Variants in NRIP3 observed in about 807,000 individuals in gnomAD.
The protein encoded by NRIP3 is nuclear receptor-interacting protein 3.
NRIP3 carries 31 observed loss-of-function variants against 29.0 expected under a neutral mutation model. The ratio of observed to expected loss-of-function variants is 1.07; its 90% confidence interval spans 0.80 to 1.44. The LOEUF (loss-of-function observed/expected upper bound fraction) is 1.44, where lower values mean the gene tolerates loss of function less well. NRIP3 is among the 40% of genes most tolerant of loss of function. NRIP3 has a pLI of 0.00. For synonymous variants in NRIP3, 131 were observed against 118.3 expected (o/e 1.11, Z -0.70); for missense variants, 314 against 297.9 (o/e 1.05, Z -0.40).
intron 1 of NRIP3, among the ~76,000 whole-genome samples, chr11:8,996,447 A>G (rs1854708010): frequency 1.3e-5 from 2 of 151,688 alleles, no homozygotes; most frequent in Admixed American, 1.3e-4. Flanking sequence ...CACCCAGCTA[A>G]TTTTTGCCTT....
At chr11:8,989,006 T>A (rs1359570073) in intron 1 of NRIP3, among the ~76,000 whole-genome samples, 1 of 152,218 alleles carries the variant, frequency 6.6e-6, no homozygotes, top group Admixed American at 6.5e-5. Context: ...TGTCATCCAT[T>A]TCCCTTCCCT....
At chr11:8,983,685 C>T (rs1234204023) in intron 6 of NRIP3, 125 bp from the exon 7 acceptor site, 5 of 957,782 alleles carry the variant, frequency 5.2e-6, no homozygotes, top group Non-Finnish European at 8.2e-6. Flanking sequence ...ATCACCATTG[C>T]TCATTCTGAT....
chr11:8,996,437 C>T (rs12790020), intron 1 of NRIP3, among the ~76,000 whole-genome samples: 46,613 of 151,784 alleles, frequency 0.31, 7,438 homozygotes, highest in South Asian at 0.44. Flanking sequence ...CGTAGCAGCA[C>T]ACCCAGCTAA....
chr11:9,002,216 T>A (rs757935559), intron 1 of NRIP3, among the ~76,000 whole-genome samples: 6 of 152,228 alleles, frequency 3.9e-5, no homozygotes, highest in Non-Finnish European at 7.3e-5. Context: ...TACTTCCTTC[T>A]TTATTGATTG....
chr11:8,986,830 G>C (rs1293313616), intron 3 of NRIP3, among the ~76,000 whole-genome samples: 3 of 152,140 alleles, frequency 2.0e-5, no homozygotes. Flanking sequence ...ACCATCCTGG[G>C]CAACATGGCA....
At position 8,988,114 on chromosome 11, in the gene NRIP3, T is replaced by C. The variant is rs761372617; in HGVS notation, c.339+4A>G. 5 of 1,613,850 alleles carry C rather than the reference T, an allele frequency of 3.1e-6. No homozygotes were observed. Among genetic ancestry groups the C allele is most frequent in the Non-Finnish European group, 4.2e-6 (5 of 1,179,874 alleles). On this transcript the variant is annotated splice_donor_region_variant and intron_variant, in intron 2 of 6. Transcript: ENST00000309166. Reference sequence around the variant, plus strand: ...CCCTGGAAAAGCTGTTCTCAGAACATTACCTGGCAAGAAACCAAAATCATG... The same window carrying C: ...CCCTGGAAAAGCTGTTCTCAGAACACTACCTGGCAAGAAACCAAAATCATG...
At chr11:8,991,646 A>G (rs1854603368) in intron 1 of NRIP3, among the ~76,000 whole-genome samples, 1 of 152,242 alleles carries the variant, frequency 6.6e-6, no homozygotes. Flanking sequence ...GCAATTAATG[A>G]CCTGGACTAG....
At chr11:8,992,633 G>A (rs10769980) in intron 1 of NRIP3, among the ~76,000 whole-genome samples, 50,755 of 152,092 alleles carry the variant, frequency 0.33, 10,084 homozygotes, top group Non-Finnish European at 0.43. Flanking sequence ...ATCTGGGGCC[G>A]GGCGCAGTGG....
intron 2 of NRIP3, 52 bp downstream of exon 2, chr11:8,988,066 C>T: frequency 2.5e-6 from 4 of 1,574,186 alleles, no homozygotes; most frequent in Non-Finnish European, 3.5e-6. Flanking sequence ...AGGAGAGGGC[C>T]CCACATCCTA....
At chr11:9,002,859 C>A (rs936867262) in intron 1 of NRIP3, among the ~76,000 whole-genome samples, 2 of 152,156 alleles carry the variant, frequency 1.3e-5, no homozygotes, top group African/African-American at 4.8e-5. Flanking sequence ...CAAGAAAACT[C>A]CAGATAAAAC....
chr11:8,985,416 G>A (rs570045475), intron 4 of NRIP3, among the ~76,000 whole-genome samples: 49 of 151,756 alleles, frequency 3.2e-4, no homozygotes, highest in South Asian at 1.0e-3. Flanking sequence ...TGATCCGCCC[G>A]CCTCGGCCTC....
In NRIP3 at chr11:8,985,379, T is replaced by C. The variant is rs557066248; in HGVS notation, c.562+332A>G. ...AGAGATGGGGTTTCACCGTGTTAGC[T>C]AGGATGGTCTCGATCTCCTGACCTT... On this transcript the variant is annotated intron_variant, in intron 4 of 6. Transcript: ENST00000309166. Among the ~76,000 whole-genome samples the C allele has an allele frequency of 8.3e-3, 1,233 of 147,736 alleles. 12 individuals are homozygous for C. The highest frequency in any genetic ancestry group is 0.03 in the South Asian group (139 of 4,682).
At position 9,003,894 on chromosome 11, in the gene NRIP3, C is replaced by G; in HGVS notation, c.42G>C (p.Glu14Asp). 6.6e-7 allele frequency: 1 copy of G among 1,522,674 alleles called. No homozygotes were observed. Among genetic ancestry groups the G allele is most frequent in the African/African-American group, 1.4e-5 (1 of 69,778 alleles). 94.3% of individuals were successfully genotyped at this position (1,522,674 alleles called of 1,614,324 possible). ...SGLLTEGGRK[E>D]TDMREAASLR... ...GTGACGCCGCCTCCCGCATGTCGGT[C>G]TCCTTGCGGCCGCCCTCAGTGAGGA... Residue 14 changes from glutamate (E) to aspartate (D), a missense_variant, in exon 1 of 7, where the codon GAG becomes GAC. Coordinates refer to ENST00000309166, the MANE Select transcript of NRIP3 (RefSeq NM_020645.3).
intron 1 of NRIP3, among the ~76,000 whole-genome samples, chr11:9,001,061 C>T (rs1854786264): frequency 6.6e-6 from 1 of 151,650 alleles, no homozygotes; most frequent in African/African-American, 2.4e-5. Context: ...AGTGAGAACC[C>T]GTCTCTTAAA....
chr11:8,985,854 T>C lies in NRIP3; in HGVS notation c.423-4A>G, dbSNP rs754376290. ...GGATTTGACATGCTCCTTGAGTCTGTACCAAAGAGGAAGATACCAAAATCC... is the reference window on the plus strand; with the variant it reads ...GGATTTGACATGCTCCTTGAGTCTGCACCAAAGAGGAAGATACCAAAATCC... On this transcript the variant is annotated splice_polypyrimidine_tract_variant and splice_region_variant and intron_variant, in intron 3 of 6. Transcript: ENST00000309166. 4.4e-5 allele frequency: 71 copies of C among 1,613,638 alleles called. No individual in the cohort carries two copies. In the East Asian group the frequency reaches 1.4e-3, roughly 31 times the overall value.
chr11:8,988,178 C>G lies in NRIP3; in HGVS notation c.279G>C (p.Gln93His). ...PWASKTNKLN[Q>H]AKSEGLKKSE... Reference sequence around the variant, plus strand: ...ACTTCTTTAGCCCCTCAGACTTAGCCTGATTGAGTTTGTTCGTCTTAGAGG... The same window carrying G: ...ACTTCTTTAGCCCCTCAGACTTAGCGTGATTGAGTTTGTTCGTCTTAGAGG... Residue 93 changes from glutamine (Q) to histidine (H), a missense_variant, in exon 2 of 7, where the codon CAG (glutamine) becomes CAC (histidine). Coordinates refer to ENST00000309166, the MANE Select transcript of NRIP3 (RefSeq NM_020645.3). The G allele has an allele frequency of 2.5e-6, 4 of 1,614,164 alleles. No homozygotes were observed. The highest frequency in any genetic ancestry group is 3.4e-6 in the Non-Finnish European group (4 of 1,180,036).
In NRIP3 at chr11:9,003,972, C is replaced by A. The variant is rs532048082; in HGVS notation, c.-37G>T. The A allele has an allele frequency of 7.5e-6, 11 of 1,459,206 alleles. No individual in the cohort carries two copies. Among genetic ancestry groups the A allele is most frequent in the African/African-American group, 3.0e-5 (2 of 67,416 alleles). The allele number at this position is 1,459,206 out of a possible 1,614,324, so 90.4% of individuals were successfully genotyped here. A position where few individuals can be genotyped will look rare whatever the true frequency, so the allele number is the denominator to read the frequency against. On this transcript the variant is annotated 5_prime_UTR_variant, in exon 1 of 7. Coordinates refer to ENST00000309166, the MANE Select transcript of NRIP3 (RefSeq NM_020645.3). ...CGGCGGCCCGGTAGCCCACAGCCCC[C>A]CGGCAGCCTCAGCCTCGAGCTCCTC...
chr11:9,003,970 C>A lies in NRIP3; in HGVS notation c.-35G>T. The A allele has an allele frequency of 4.8e-6, 7 of 1,461,214 alleles. No homozygotes were observed. Among genetic ancestry groups the A allele is most frequent in the Non-Finnish European group, 6.4e-6 (7 of 1,101,400 alleles). 90.5% of individuals were successfully genotyped at this position (1,461,214 alleles called of 1,614,324 possible). A position where few individuals can be genotyped will look rare whatever the true frequency, so the allele number is the denominator to read the frequency against. The stretch of plus-strand genomic sequence containing the variant: ...GCCGGCGGCCCGGTAGCCCACAGCC[C>A]CCCGGCAGCCTCAGCCTCGAGCTCC... On this transcript the variant is annotated 5_prime_UTR_variant, in exon 1 of 7. Transcript: ENST00000309166.
intron 1 of NRIP3, among the ~76,000 whole-genome samples, chr11:8,997,491 C>T (rs193197955): frequency 6.6e-6 from 1 of 152,160 alleles, no homozygotes; most frequent in Non-Finnish European, 1.5e-5. Context: ...CTGCTTTATG[C>T]TAAACTTCAA....
Sources: allele counts gnomAD v4.1 joint callset (sites outside exome capture counted in the v4.1 genomes callset), GRCh38; gene constraint gnomAD v4.1.1; transcripts MANE v1.5; gene names NCBI Gene and HGNC (gene_info 2026-07-23, HGNC 2026-07-21).